The following KIRREL3 variants were observed in gnomAD, a reference collection of about 807,000 sequenced individuals.
KIRREL3 encodes kin of IRRE-like protein 3.
A neutral mutation model predicts 89.7 loss-of-function variants in KIRREL3; 36 were observed. That is an observed-to-expected ratio of 0.40 (90% CI 0.31 to 0.53). The LOEUF (loss-of-function observed/expected upper bound fraction) is 0.53, where lower values mean the gene tolerates loss of function less well. Ranked by LOEUF, KIRREL3 falls within the 20% of genes least tolerant of loss-of-function variation. The pLI is 0.49. For missense variants in KIRREL3, 864 were observed against 1,056.6 expected (o/e 0.82, Z 2.53); for synonymous variants, 445 against 441.4 (o/e 1.01, Z -0.10).
Position 126,705,400 on chromosome 11 carries a change from G to A in KIRREL3, c.56-142488C>T, listed in dbSNP as rs183844671. ...GTTGTTGATCAGTTTGTTCACATGA[G>A]ATCTGGTTGTTTAAAAGTCTGAGAC... On this transcript the variant is annotated intron_variant, in intron 1 of 16. Coordinates refer to ENST00000525144, the MANE Select transcript of KIRREL3 (RefSeq NM_032531.4). This position sits in a 1 kb window ranked among gnomAD's most constrained non-coding sequence, Gnocchi z 4.3. Among the ~76,000 whole-genome samples, 1 of 152,232 alleles carries A rather than the reference G, an allele frequency of 6.6e-6. No homozygotes were observed. Among genetic ancestry groups the A allele is most frequent in the Admixed American group, 6.5e-5 (1 of 15,294 alleles).
rs1241581685 is a variant in KIRREL3 at position 126,653,706 on chromosome 11, C to T, written c.56-90794G>A. On this transcript the variant is annotated intron_variant, in intron 1 of 16. Transcript: ENST00000525144. This position sits in a 1 kb window ranked among gnomAD's most constrained non-coding sequence, Gnocchi z 5.4. The stretch of plus-strand genomic sequence containing the variant: ...GGGCAATGAGAAACGGGAGGGGCTG[C>T]GTGAGACATGGCAAGGCTGAGGCCA... Among the ~76,000 whole-genome samples, 1 of 152,110 alleles carries T rather than the reference C, an allele frequency of 6.6e-6. No homozygotes were observed. The highest frequency in any genetic ancestry group is 1.5e-5 in the Non-Finnish European group (1 of 68,028).
chr11:126,458,963 G>C (rs974496950), intron 6 of KIRREL3, among the ~76,000 whole-genome samples: 1 of 152,178 alleles, frequency 6.6e-6, no homozygotes, highest in African/African-American at 2.4e-5. Flanking sequence ...TGGCTGATCT[G>C]GGCGTCCGTG....
chr11:126,977,581 A>G lies in KIRREL3; in HGVS notation c.55+22874T>C, dbSNP rs562530493. Among the ~76,000 whole-genome samples the G allele has an allele frequency of 2.0e-5, 3 of 152,330 alleles. No homozygotes were observed. The highest frequency in any genetic ancestry group is 4.1e-4 in the South Asian group (2 of 4,828). On this transcript the variant is annotated intron_variant, in intron 1 of 16. Coordinates refer to ENST00000525144, the MANE Select transcript of KIRREL3 (RefSeq NM_032531.4). This position sits in a 1 kb window ranked among gnomAD's most constrained non-coding sequence, Gnocchi z 4.7. Reference sequence around the variant, plus strand: ...TTCAACAAGCATTTATTGAATGCCTACTATGCACCTGTCTATTTCATCAGG... The same window carrying G: ...TTCAACAAGCATTTATTGAATGCCTGCTATGCACCTGTCTATTTCATCAGG...
rs968678325 is a variant in KIRREL3, at chr11:126,490,110, G to T, written c.434-16644C>A. Among the ~76,000 whole-genome samples the T allele has an allele frequency of 6.6e-5, 10 of 151,946 alleles. No individual in the cohort carries two copies. The East Asian group carries it at 1.2e-3, about 18-fold the overall frequency. On this transcript the variant is annotated intron_variant, in intron 4 of 16. Coordinates refer to ENST00000525144, the MANE Select transcript of KIRREL3 (RefSeq NM_032531.4). The surrounding 1 kb of genome is among the most constrained non-coding windows in gnomAD (Gnocchi z 4.2). ...CCTTAAAGTCACAGTTAGCTCCCAT[G>T]ATGGGCATTCGTGTTTGTGGCCAGA...
chr11:126,896,637 A>C lies in KIRREL3; in HGVS notation c.55+103818T>G, dbSNP rs1784358704. On this transcript the variant is annotated intron_variant, in intron 1 of 16. Coordinates refer to ENST00000525144, the MANE Select transcript of KIRREL3 (RefSeq NM_032531.4). The surrounding 1 kb of genome is among the most constrained non-coding windows in gnomAD (Gnocchi z 4.1). ...GGCTTCAGTGCCCACCATGCAGTGC[A>C]TGGGAGACCGAGGGAATGGCTGGGA... 6.6e-6 allele frequency among the ~76,000 whole-genome samples: 1 copy of C among 152,174 alleles called. No homozygotes were observed. Among genetic ancestry groups the C allele is most frequent in the African/African-American group, 2.4e-5 (1 of 41,446 alleles).
intron 1 of KIRREL3, among the ~76,000 whole-genome samples, chr11:126,826,936 G>A (rs934356226): frequency 1.3e-5 from 2 of 152,192 alleles, no homozygotes; most frequent in African/African-American, 4.8e-5. Flanking sequence ...CTGCAGTGTT[G>A]AAAATGAGGC....
rs1458343621 is a variant in KIRREL3 at position 126,477,948 on chromosome 11, C to T, written c.434-4482G>A. On this transcript the variant is annotated intron_variant, in intron 4 of 16. Coordinates refer to ENST00000525144, the MANE Select transcript of KIRREL3 (RefSeq NM_032531.4). The surrounding 1 kb of genome is among the most constrained non-coding windows in gnomAD (Gnocchi z 4.8). The stretch of plus-strand genomic sequence containing the variant: ...TTTGACTCAATGAGCAGCGAGTTCC[C>T]CACAATGCTGGCAGAGTGGGTCTAT... 6.6e-6 allele frequency among the ~76,000 whole-genome samples: 1 copy of T among 152,170 alleles called. No individual in the cohort carries two copies. The highest frequency in any genetic ancestry group is 1.5e-5 in the Non-Finnish European group (1 of 68,032).
At chr11:126,442,309 A>G (rs1157731838) in intron 10 of KIRREL3, among the ~76,000 whole-genome samples, 1 of 56,724 alleles carries the variant, frequency 1.8e-5, no homozygotes, top group African/African-American at 5.9e-5. Flanking sequence ...GCACAGACAC[A>G]CAAAACACAC....
chr11:126,714,657 G>A (rs1196843963), intron 1 of KIRREL3, among the ~76,000 whole-genome samples: 2 of 152,158 alleles, frequency 1.3e-5, no homozygotes, highest in Admixed American at 6.5e-5. Context: ...GAGTTGCACG[G>A]TGGGCTGACT....
At chr11:126,552,302 G>A (rs1939326746) in intron 2 of KIRREL3, among the ~76,000 whole-genome samples, 1 of 152,144 alleles carries the variant, frequency 6.6e-6, no homozygotes, top group Non-Finnish European at 1.5e-5. Context: ...TCATACCCGG[G>A]AAGGTTACGT....
chr11:126,858,285 GATGAAGCA>G (rs1260707603), intron 1 of KIRREL3, among the ~76,000 whole-genome samples: 1 of 152,198 alleles, frequency 6.6e-6, no homozygotes, highest in Admixed American at 6.5e-5. Context: ...GGCCAGGTTT[GATGAAGCA>G]ATAGGACTTA....
rs145921241 is a variant in KIRREL3, at chr11:126,586,145, C to T, written c.56-23233G>A. 2.2e-3 allele frequency among the ~76,000 whole-genome samples: 330 copies of T among 152,280 alleles called. 3 individuals carry two copies. The East Asian group carries it at 0.051, about 24-fold the overall frequency. ...CAGATGATGGGAGGTGAGGAATGAG[C>T]TCAGATTACAGCGCACATTAGGGAA... On this transcript the variant is annotated intron_variant, in intron 1 of 16. Coordinates refer to ENST00000525144, the MANE Select transcript of KIRREL3 (RefSeq NM_032531.4).
chr11:126,807,183 C>T lies in KIRREL3; in HGVS notation c.55+193272G>A, dbSNP rs1336829161. Among the ~76,000 whole-genome samples the T allele has an allele frequency of 2.0e-5, 3 of 152,184 alleles. No homozygotes were observed. In the East Asian group the frequency reaches 5.8e-4, roughly 29 times the overall value. ...TCTGGGAAGGGAGGTAGGCTGACTG[C>T]CCCAGGCCCCACCTCCTGCTAACAT... is the stretch of plus-strand genomic sequence containing the variant. On this transcript the variant is annotated intron_variant, in intron 1 of 16. Transcript: ENST00000525144. This position sits in a 1 kb window ranked among gnomAD's most constrained non-coding sequence, Gnocchi z 4.3.
chr11:126,825,913 T>C (rs1197743152), intron 1 of KIRREL3, among the ~76,000 whole-genome samples: 1 of 152,256 alleles, frequency 6.6e-6, no homozygotes, highest in Non-Finnish European at 1.5e-5. Flanking sequence ...GGGGGGATTC[T>C]GCAACCCTCT....
At position 126,510,417 on chromosome 11, in the gene KIRREL3, G is replaced by A. The variant is rs552517162; in HGVS notation, c.433+10898C>T. 1.8e-4 allele frequency among the ~76,000 whole-genome samples: 20 copies of A among 113,184 alleles called. No homozygotes were observed. In the South Asian group the frequency reaches 1.9e-3, roughly 11 times the overall value. The allele number at this position is 113,184 out of a possible 152,430, so 74.3% of individuals were successfully genotyped here. ...TGAGATAAGAAATGTCCTCCCTGAC[G>A]TTGTTTCCTTCCTTCCTTCCTTCCT... On this transcript the variant is annotated intron_variant, in intron 4 of 16. Transcript: ENST00000525144.
rs566595758 is a variant in KIRREL3, at chr11:126,528,202, C to T, written c.134-1515G>A. ...AACCGAGGCAAAACTGGACCTGGCG[C>T]TCCAGCTGCTGATGCTGTGGCCTCT... On this transcript the variant is annotated intron_variant, in intron 2 of 16. Transcript: ENST00000525144. This position sits in a 1 kb window ranked among gnomAD's most constrained non-coding sequence, Gnocchi z 4.6. Among the ~76,000 whole-genome samples, 6 of 152,218 alleles carry T rather than the reference C, an allele frequency of 3.9e-5. 1 individual carries two copies.
At chr11:126,661,643 C>T (rs1426735581) in intron 1 of KIRREL3, among the ~76,000 whole-genome samples, 1 of 152,202 alleles carries the variant, frequency 6.6e-6, no homozygotes, top group Non-Finnish European at 1.5e-5. Flanking sequence ...CTGAGGACAG[C>T]TGTCTATAGC....
At chr11:126,855,337 G>A (rs776821906) in intron 1 of KIRREL3, among the ~76,000 whole-genome samples, 49 of 152,114 alleles carry the variant, frequency 3.2e-4, no homozygotes, top group African/African-American at 9.4e-4. Flanking sequence ...CGGCTCCTGC[G>A]CCTTCTCTCT....
chr11:126,520,677 T>C lies in KIRREL3; in HGVS notation c.433+638A>G, dbSNP rs1183634710. On this transcript the variant is annotated intron_variant, in intron 4 of 16. Transcript: ENST00000525144. This position sits in a 1 kb window ranked among gnomAD's most constrained non-coding sequence, Gnocchi z 4.9. ...CCCATTCCCCTGTCTTCAGGCAAGA[T>C]GATCCAGGAACGCTGGGCTCCTGGG... Among the ~76,000 whole-genome samples the C allele has an allele frequency of 6.6e-6, 1 of 152,108 alleles. No individual in the cohort carries two copies. The highest frequency in any genetic ancestry group is 1.5e-5 in the Non-Finnish European group (1 of 68,008).
Sources: allele counts gnomAD v4.1 joint callset (sites outside exome capture counted in the v4.1 genomes callset), GRCh38; gene constraint gnomAD v4.1.1; non-coding constraint Gnocchi (gnomAD v3.1); transcripts MANE v1.5; gene names NCBI Gene and HGNC (gene_info 2026-07-23, HGNC 2026-07-21).